The following DOCK1 variants were observed in gnomAD, a reference collection of about 807,000 sequenced individuals.
DOCK1 encodes the protein dedicator of cytokinesis protein 1.
DOCK1 carries 138 observed loss-of-function variants against 262.7 expected under a neutral mutation model. The observed-to-expected ratio is 0.53, with a 90% CI of 0.46 to 0.61. DOCK1 has a LOEUF of 0.61. DOCK1 is among the 20% of genes least tolerant of loss of function. DOCK1 has a pLI of 0.00. For missense variants in DOCK1, 1,908 were observed against 2,370.7 expected, an observed-to-expected ratio of 0.80 and a Z score of 4.05; for synonymous variants, 866 against 867.4, an observed-to-expected ratio of 1.00 and a Z score of 0.03.
chr10:127,004,784 C>CCCCCCA (rs1554970531), intron 10 of DOCK1, among the ~76,000 whole-genome samples: 15 of 98,476 alleles, frequency 1.5e-4, no homozygotes, highest in Non-Finnish European at 2.2e-4. Flanking sequence ...CCCCCCGCCC[C>CCCCCCA]AAAAAAAAGA....
intron 18 of DOCK1, among the ~76,000 whole-genome samples, chr10:127,032,867 T>A (rs944403302): frequency 3.3e-5 from 5 of 152,190 alleles, no homozygotes; most frequent in Non-Finnish European, 7.3e-5. Context: ...GTATTACTCT[T>A]AAAGGGAGAT....
chr10:127,045,200 TAAAAAAAAAAAA>T (rs71032534), intron 21 of DOCK1, among the ~76,000 whole-genome samples: 4 of 82,102 alleles, frequency 4.9e-5, no homozygotes, highest in Non-Finnish European at 4.5e-5. Context: ...TCTGTCTCAA[TAAAAAAAAAAAA>T]AAAAAAAAAA....
intron 3 of DOCK1, among the ~76,000 whole-genome samples, chr10:126,978,397 C>T (rs76393339): frequency 0.025 from 3,756 of 152,248 alleles, 119 homozygotes; most frequent in African/African-American, 0.078. Context: ...CTGTTTCCCT[C>T]TTGCATATAA....
intron 38 of DOCK1, among the ~76,000 whole-genome samples, chr10:127,398,614 CTT>C (rs903578468): frequency 5.9e-5 from 9 of 152,216 alleles, no homozygotes; most frequent in African/African-American, 2.2e-4. Flanking sequence ...GAGTATGACT[CTT>C]TTCCCAATAA....
chr10:127,405,055 C>G (rs2067440262), intron 40 of DOCK1, among the ~76,000 whole-genome samples: 1 of 152,212 alleles, frequency 6.6e-6, no homozygotes, highest in Non-Finnish European at 1.5e-5. Context: ...AATGGTATTT[C>G]ATTGCATGGA....
chr10:127,028,033 A>C (rs1371299793), intron 16 of DOCK1, among the ~76,000 whole-genome samples: 7 of 88,262 alleles, frequency 7.9e-5, no homozygotes, highest in African/African-American at 2.8e-4. Flanking sequence ...AGCAGCATGG[A>C]GTGCCTGGTG....
Position 127,195,531 on chromosome 10 carries a change from C to CA in DOCK1, c.2848-52477_2848-52476insA, listed in dbSNP as rs1339820956. ...CCCTCTGTTCCAACTCATCCCCCCC[C>CA]CGAAGTTAATCAGCCGTACTTGTAC... On this transcript the variant is annotated intron_variant, in intron 27 of 51. Coordinates refer to ENST00000623213, the MANE Select transcript of DOCK1 (RefSeq NM_001290223.2). Among the ~76,000 whole-genome samples, 2 of 151,992 alleles carry CA rather than the reference C, an allele frequency of 1.3e-5. 1 individual carries two copies. The highest frequency in any genetic ancestry group is 4.2e-4 in the South Asian group (2 of 4,776).
At chr10:126,947,212 C>A (rs976215327) in intron 1 of DOCK1, among the ~76,000 whole-genome samples, 1 of 150,768 alleles carries the variant, frequency 6.6e-6, no homozygotes, top group Non-Finnish European at 1.5e-5. Flanking sequence ...TTTACCTCTG[C>A]CATGATGATG....
chr10:126,927,084 T>C (rs61875486), intron 1 of DOCK1, among the ~76,000 whole-genome samples: 8,340 of 152,270 alleles, frequency 0.055, 298 homozygotes, highest in Non-Finnish European at 0.085. Flanking sequence ...CTGCATCTTG[T>C]CTTATCTCCA....
At chr10:127,125,409 T>C in intron 25 of DOCK1, 65 bp from the exon 26 acceptor site, 1 of 1,601,322 alleles carries the variant, frequency 6.2e-7, no homozygotes, top group South Asian at 1.1e-5. Context: ...CAGACAAGCT[T>C]ATAGCAAACA....
chr10:127,008,106 CTTTTG>C (rs1405632261), intron 10 of DOCK1, among the ~76,000 whole-genome samples: 2 of 151,738 alleles, frequency 1.3e-5, no homozygotes, highest in Non-Finnish European at 2.9e-5. Flanking sequence ...TTCTTTTTTT[CTTTTG>C]TTTTGTGGCA....
rs368101136 is a variant in DOCK1 at position 127,101,267 on chromosome 10, A to G, written c.2446-4964A>G. ...GGTCAGGCTTGAGAAGAGCAAAGAA[A>G]GACTGAGTCAGCCACAGGGGAGAGT... On this transcript the variant is annotated intron_variant, in intron 23 of 51. Coordinates refer to ENST00000623213, the MANE Select transcript of DOCK1 (RefSeq NM_001290223.2). Among the ~76,000 whole-genome samples the G allele has an allele frequency of 3.9e-5, 6 of 152,190 alleles. No homozygotes were observed. The East Asian group carries it at 7.7e-4, about 20-fold the overall frequency.
chr10:127,379,934 A>G lies in DOCK1; in HGVS notation c.3676-148A>G, dbSNP rs1242040290. The stretch of plus-strand genomic sequence containing the variant: ...AAGAACTGTGTAAGATGGTTTTGCA[A>G]TTTATGTGAATTTATGGTTCTGATC... On this transcript the variant is annotated intron_variant, in intron 35 of 51. Transcript: ENST00000623213. 4 of 629,390 alleles carry G rather than the reference A, an allele frequency of 6.4e-6. No homozygotes were observed. In the Admixed American group the frequency reaches 1.3e-4, roughly 20 times the overall value. 39.0% of individuals were successfully genotyped at this position (629,390 alleles called of 1,614,324 possible).
chr10:127,258,294 C>T (rs2073970442), intron 29 of DOCK1, among the ~76,000 whole-genome samples: 1 of 152,138 alleles, frequency 6.6e-6, no homozygotes, highest in Non-Finnish European at 1.5e-5. Flanking sequence ...TATACCTCTC[C>T]CCTCCCCACT....
intron 29 of DOCK1, among the ~76,000 whole-genome samples, chr10:127,305,667 C>T (rs1458945581): frequency 6.6e-6 from 1 of 152,170 alleles, no homozygotes; most frequent in Non-Finnish European, 1.5e-5. Flanking sequence ...CACAGATCCT[C>T]AGGAACATCG....
chr10:127,005,772 T>G (rs1259479207), intron 10 of DOCK1, among the ~76,000 whole-genome samples: 1 of 152,214 alleles, frequency 6.6e-6, no homozygotes, highest in African/African-American at 2.4e-5. Context: ...TGGCATATGA[T>G]TTTTAAATAC....
intron 9 of DOCK1, 45 bp from the exon 10 acceptor site, chr10:127,000,127 G>T: frequency 1.9e-6 from 3 of 1,608,226 alleles, no homozygotes; most frequent in Non-Finnish European, 2.6e-6. Flanking sequence ...AGCTTGCATT[G>T]AATAATGGGT....
intron 25 of DOCK1, among the ~76,000 whole-genome samples, chr10:127,113,527 G>A (rs2048992602): frequency 6.6e-6 from 1 of 152,224 alleles, no homozygotes; most frequent in Non-Finnish European, 1.5e-5. Flanking sequence ...TTCTGAAACT[G>A]GTGTTGTTCC....
chr10:127,004,766 CCCG>C (rs1381763304), intron 10 of DOCK1, among the ~76,000 whole-genome samples: 1 of 75,860 alleles, frequency 1.3e-5, no homozygotes, highest in Admixed American at 1.3e-4. Flanking sequence ...GGCCCCCTGC[CCCG>C]CCACCCCCCC....
Sources: allele counts gnomAD v4.1 joint callset (sites outside exome capture counted in the v4.1 genomes callset), GRCh38; gene constraint gnomAD v4.1.1; transcripts MANE v1.5; gene names NCBI Gene and HGNC (gene_info 2026-07-23, HGNC 2026-07-21).